Variants in HRAS observed in about 807,000 individuals in gnomAD.
HRAS encodes GTPase HRas.
HRAS carries 11 observed loss-of-function variants against 19.8 expected under a neutral mutation model. The ratio of observed to expected loss-of-function variants is 0.55; its 90% CI spans 0.35 to 0.92. The LOEUF is 0.92. Ranked by LOEUF, HRAS falls within the 40% of genes least tolerant of loss-of-function variation. The pLI, the probability that HRAS is intolerant of heterozygous loss-of-function variation, is 0.01. For missense variants in HRAS, 204 were observed against 255.9 expected, an observed-to-expected ratio of 0.80 and a Z score of 1.38; for synonymous variants, 149 against 105.5, an observed-to-expected ratio of 1.41 and a Z score of -2.52.
At chr11:534,721 G>T in intron 1 of HRAS, 1 of 287,868 alleles carries the variant, frequency 3.5e-6, no homozygotes, top group African/African-American at 2.2e-5. Context: ...CCGTCCTCCA[G>T]AACAGGTCTG....
rs1208646309 is a variant in HRAS, at chr11:535,555, C to A, written c.-193G>T. The A allele has an allele frequency of 1.3e-5, 2 of 148,720 alleles. No homozygotes were observed. Among genetic ancestry groups the A allele is most frequent in the East Asian group, 2.0e-4 (1 of 5,086 alleles). The allele number at this position is 148,720 out of a possible 1,614,324, so 9.2% of individuals were successfully genotyped here. A position where few individuals can be genotyped will look rare whatever the true frequency, so the allele number is the denominator to read the frequency against. ...TCGGGTTGCGGGCGCAGGGCACGGG[C>A]GGCGGAGACTCGGGCGGGCCTGCGC... is the stretch of plus-strand genomic sequence containing the variant. On this transcript the variant is annotated 5_prime_UTR_variant, in exon 1 of 6. Transcript: ENST00000311189.
chr11:534,670 C>A, intron 1 of HRAS: 1 of 393,136 alleles, frequency 2.5e-6, no homozygotes, highest in Non-Finnish European at 4.7e-6. Context: ...GCTGCTGGGT[C>A]GGCAGAAAGG....
chr11:534,342 GC>G lies in HRAS; in HGVS notation c.-21del, dbSNP rs1251006642. 1.3e-6 allele frequency: 2 copies of G among 1,594,272 alleles called. No homozygotes were observed. Among genetic ancestry groups the G allele is most frequent in the Admixed American group, 1.7e-5 (1 of 59,822 alleles). ...CGTCATCGCTCCTCAGGGGCCTGCGGCCCGGGGTCCTCCTACAGGGTCTCCT... is the reference window on the plus strand; with the variant it reads ...CGTCATCGCTCCTCAGGGGCCTGCGGCCGGGGTCCTCCTACAGGGTCTCCT... On this transcript the variant is annotated 5_prime_UTR_variant, in exon 2 of 6. The change creates a premature stop within an existing upstream ORF in the 5' untranslated region. Coordinates refer to ENST00000311189, the MANE Select transcript of HRAS (RefSeq NM_005343.4).
In HRAS at chr11:532,461, T is replaced by C. The variant is rs1028204250; in HGVS notation, c.*67A>G. ...CTTCCTTCCTTGCTTCCGTCCTTCC[T>C]TCCTCCTCCTTCCGTCTGCACCTCC... is the stretch of plus-strand genomic sequence containing the variant. On this transcript the variant is annotated 3_prime_UTR_variant, in exon 6 of 6. Coordinates refer to ENST00000311189, the MANE Select transcript of HRAS (RefSeq NM_005343.4). The C allele has an allele frequency of 1.1e-5, 10 of 876,916 alleles. No individual in the cohort carries two copies. The African/African-American group carries it at 1.3e-4, about 12-fold the overall frequency. 54.3% of individuals were successfully genotyped at this position (876,916 alleles called of 1,614,324 possible).
intron 3 of HRAS, 47 bp from the exon 4 acceptor site, chr11:533,659 CG>C (rs1851260406): frequency 1.2e-6 from 2 of 1,612,600 alleles, no homozygotes; most frequent in South Asian, 2.2e-5. Flanking sequence ...GCAGGCGCAG[CG>C]GCATCCAGGA....
chr11:532,385 G>A lies in HRAS; in HGVS notation c.*143C>T. ...GTGCACAGCCTCCCTGGGAGGGTCT[G>A]CAGTCACCTCGGCCCACGGTCCCGG... On this transcript the variant is annotated 3_prime_UTR_variant, in exon 6 of 6. Transcript: ENST00000311189. 3.4e-6 allele frequency: 2 copies of A among 591,084 alleles called. No individual in the cohort carries two copies. The highest frequency in any genetic ancestry group is 6.0e-6 in the Non-Finnish European group (2 of 332,156). The allele number at this position is 591,084 out of a possible 1,614,324, so 36.6% of individuals were successfully genotyped here.
intron 5 of HRAS, 35 bp from the exon 6 acceptor site, chr11:532,557 G>A: frequency 6.4e-7 from 1 of 1,565,208 alleles, no homozygotes; most frequent in Non-Finnish European, 8.6e-7. Flanking sequence ...CTGACCGCAG[G>A]CCAGGAGACC....
At chr11:533,971 C>G in intron 2 of HRAS, 27 bp from the exon 3 acceptor site, 1 of 1,605,516 alleles carries the variant, frequency 6.2e-7, no homozygotes, top group Non-Finnish European at 8.5e-7. Context: ...CTCAGGGACC[C>G]CCTCAGGACC....
chr11:533,744 G>T (rs917139551), intron 3 of HRAS, 22 bp downstream of exon 3: 12 of 1,612,952 alleles, frequency 7.4e-6, no homozygotes, highest in Non-Finnish European at 1.0e-5. Flanking sequence ...GTGGGCTCCC[G>T]GGCCAGCCTC....
intron 1 of HRAS, among the ~76,000 whole-genome samples, chr11:534,762 G>A (rs1185700961): frequency 1.3e-5 from 2 of 152,238 alleles, no homozygotes; most frequent in Non-Finnish European, 2.9e-5. Context: ...GGCGTGCCCG[G>A]GCAGGCTAGT....
chr11:534,985 G>A (rs1448991664), intron 1 of HRAS, among the ~76,000 whole-genome samples: 1 of 152,220 alleles, frequency 6.6e-6, no homozygotes, highest in Non-Finnish European at 1.5e-5. Flanking sequence ...CCGAGAAGCG[G>A]CGCGGGAGAC....
At chr11:534,067 G>A (rs989286439) in intron 2 of HRAS, 123 bp from the exon 3 acceptor site, 8 of 1,226,190 alleles carry the variant, frequency 6.5e-6, no homozygotes, top group African/African-American at 1.5e-5. Flanking sequence ...GTGCTGAGAC[G>A]AGGGACTCCC....
chr11:533,156 A>T, intron 4 of HRAS: 1 of 898,640 alleles, frequency 1.1e-6, no homozygotes, highest in Non-Finnish European at 1.6e-6. Context: ...GGCCTGGCTC[A>T]GGGCAGCTCT....
Position 532,429 on chromosome 11 carries a change from G to A in HRAS, c.*99C>T. On this transcript the variant is annotated 3_prime_UTR_variant, in exon 6 of 6. Coordinates refer to ENST00000311189, the MANE Select transcript of HRAS (RefSeq NM_005343.4). ...GTCCCGGGGTGACTGGGCTCCAGCA[G>A]CCCTTCCTTCCTTCCTTGCTTCCGT... 1.4e-6 allele frequency: 1 copy of A among 711,096 alleles called. No homozygotes were observed. The allele number at this position is 711,096 out of a possible 1,614,324, so 44.0% of individuals were successfully genotyped here.
At chr11:534,069 G>C (rs1851299408) in intron 2 of HRAS, 125 bp from the exon 3 acceptor site, 2 of 1,217,228 alleles carry the variant, frequency 1.6e-6, no homozygotes, top group South Asian at 2.4e-5. Flanking sequence ...GCTGAGACGA[G>C]GGACTCCCCT....
Position 532,540 on chromosome 11 carries a change from GAGGCTGCTGACCGC to G in HRAS, c.*6-32_*6-19del, listed in dbSNP as rs1851164351. ...AGCTTGTGCTGGGCGGGGCACAAGG[GAGGCTGCTGACCGC>G]AGGCCAGGAGACCGGCAGGGGCGGG... On this transcript the variant is annotated intron_variant, in intron 5 of 5. Coordinates refer to ENST00000311189, the MANE Select transcript of HRAS (RefSeq NM_005343.4). 2 of 1,526,944 alleles carry G rather than the reference GAGGCTGCTGACCGC, an allele frequency of 1.3e-6. No homozygotes were observed. 94.6% of individuals were successfully genotyped at this position (1,526,944 alleles called of 1,614,324 possible). A position where few individuals can be genotyped will look rare whatever the true frequency, so the allele number is the denominator to read the frequency against.
At position 532,611 on chromosome 11, in the gene HRAS, G is replaced by T. The variant is rs756277885; in HGVS notation, c.*5+20C>A. 1 of 1,604,090 alleles carries T rather than the reference G, an allele frequency of 6.2e-7. No individual in the cohort carries two copies. Reference sequence around the variant, plus strand: ...GGGTCATCCGGTGGGCGTGGCGGCCGCCCTGGGAGTCCCCCTCACCTGCGT... The same window carrying T: ...GGGTCATCCGGTGGGCGTGGCGGCCTCCCTGGGAGTCCCCCTCACCTGCGT... On this transcript the variant is annotated intron_variant, in intron 5 of 5. Coordinates refer to ENST00000311189, the MANE Select transcript of HRAS (RefSeq NM_005343.4).
intron 1 of HRAS, chr11:534,600 C>T (rs1408694016): frequency 1.8e-6 from 1 of 550,852 alleles, no homozygotes; most frequent in Non-Finnish European, 3.3e-6. Flanking sequence ...GGAAAAGGGA[C>T]CCAGCCCTCA....
intron 2 of HRAS, 43 bp downstream of exon 2, chr11:534,169 C>G (rs111836279): frequency 1.0e-5 from 15 of 1,492,940 alleles, no homozygotes; most frequent in African/African-American, 4.1e-5. Flanking sequence ...CCTGGGCTCG[C>G]CCGCAGCAGC....
Sources: allele counts gnomAD v4.1 joint callset (sites outside exome capture counted in the v4.1 genomes callset), GRCh38; gene constraint gnomAD v4.1.1; transcripts MANE v1.5; gene names NCBI Gene and HGNC (gene_info 2026-07-23, HGNC 2026-07-21).